INSC: variants seen among roughly 807,000 people sequenced by gnomAD.
The protein encoded by INSC is protein inscuteable homolog.
INSC carries 67 observed loss-of-function variants against 58.6 expected under a neutral mutation model. The ratio of observed to expected loss-of-function variants is 1.14; its 90% CI spans 0.94 to 1.40. INSC has a LOEUF of 1.40. Ranked by LOEUF, INSC falls within the 40% of genes most tolerant of loss-of-function variation. The pLI is 0.00. For synonymous variants in INSC, 262 were observed against 276.1 expected, an observed-to-expected ratio of 0.95 and a Z score of 0.51; for missense variants, 714 against 692.0, an observed-to-expected ratio of 1.03 and a Z score of -0.36.
intron 5 of INSC, among the ~76,000 whole-genome samples, chr11:15,179,940 T>G (rs1407051600): frequency 2.0e-5 from 3 of 152,204 alleles, no homozygotes; most frequent in African/African-American, 7.2e-5. Context: ...ACCACTTTCC[T>G]GAAAGTGCCA....
At chr11:15,250,706 A>C (rs1167396165), downstream of INSC, among the ~76,000 whole-genome samples, 2 of 152,200 alleles carry the variant, frequency 1.3e-5, no homozygotes, top group Admixed American at 1.3e-4. Context: ...TCTCAAATTT[A>C]GTGGCTTAAA....
At chr11:15,208,494 CCTGT>C (rs1412230815) in intron 7 of INSC, among the ~76,000 whole-genome samples, 1 of 152,210 alleles carries the variant, frequency 6.6e-6, no homozygotes, top group Non-Finnish European at 1.5e-5. Context: ...TACCAAGGCT[CCTGT>C]CTGTCTGTCT....
chr11:15,246,145 TACTTA>T lies in INSC; in HGVS notation c.*111_*115del, dbSNP rs1174616123. 5.8e-6 allele frequency: 7 copies of T among 1,215,174 alleles called. No individual in the cohort carries two copies. The highest frequency in any genetic ancestry group is 2.4e-5 in the Admixed American group (1 of 42,458). 75.3% of individuals were successfully genotyped at this position (1,215,174 alleles called of 1,614,324 possible). A position where few individuals can be genotyped will look rare whatever the true frequency, so the allele number is the denominator to read the frequency against. On this transcript the variant is annotated 3_prime_UTR_variant, in exon 13 of 13. Transcript: ENST00000379556. ...CCAGCTCTCCTCATCTTCTTATTTA[TACTTA>T]ACTTATTTTTGTGTGAAATAAATGG... is the stretch of plus-strand genomic sequence containing the variant.
the INSC span, among the ~76,000 whole-genome samples, chr11:15,258,892 T>G: frequency 4.6e-5 from 7 of 152,184 alleles, no homozygotes; most frequent in Non-Finnish European, 1.0e-4. Context: ...TATGATAGTC[T>G]CAGCAACACA....
At chr11:15,166,124 A>T (rs1482173676) in intron 2 of INSC, among the ~76,000 whole-genome samples, 5 of 152,130 alleles carry the variant, frequency 3.3e-5, no homozygotes, top group Non-Finnish European at 7.4e-5. Flanking sequence ...TAATGTTTTA[A>T]ACCTTGTTGA....
upstream of INSC, among the ~76,000 whole-genome samples, chr11:15,113,141 CTTTCTG>C (rs1166385487): frequency 3.0e-5 from 4 of 131,958 alleles, no homozygotes; most frequent in African/African-American, 1.1e-4. Context: ...TTCTTTCTTT[CTTTCTG>C]TCTCTCTCTC....
At chr11:15,123,433 A>G (rs930444858) in intron 1 of INSC, among the ~76,000 whole-genome samples, 1 of 152,226 alleles carries the variant, frequency 6.6e-6, no homozygotes, top group Non-Finnish European at 1.5e-5. Context: ...AAATGAATGA[A>G]TGAAGATTTA....
At chr11:15,189,250 C>T (rs1303640496) in intron 5 of INSC, among the ~76,000 whole-genome samples, 1 of 152,156 alleles carries the variant, frequency 6.6e-6, no homozygotes, top group African/African-American at 2.4e-5. Flanking sequence ...TAACTGCTTA[C>T]AATTTTATTT....
intron 9 of INSC, among the ~76,000 whole-genome samples, chr11:15,228,371 C>T (rs1234145772): frequency 1.3e-5 from 2 of 152,174 alleles, no homozygotes; most frequent in East Asian, 1.9e-4. Context: ...AATGTGGTTG[C>T]GCTGCCAGCA....
At chr11:15,187,586 G>T (rs1792573) in intron 5 of INSC, among the ~76,000 whole-genome samples, 109,828 of 152,126 alleles carry the variant, frequency 0.72, 40,647 homozygotes, top group East Asian at 0.99. Flanking sequence ...GCAGTTACTC[G>T]TTTTCAGATT....
At chr11:15,222,783 A>G (rs1851495105) in intron 8 of INSC, among the ~76,000 whole-genome samples, 1 of 152,226 alleles carries the variant, frequency 6.6e-6, no homozygotes, top group Non-Finnish European at 1.5e-5. Context: ...TGGCACTCAC[A>G]GGTCAGGCTG....
At chr11:15,164,415 G>A (rs940668165) in intron 2 of INSC, among the ~76,000 whole-genome samples, 3 of 152,076 alleles carry the variant, frequency 2.0e-5, no homozygotes, top group African/African-American at 7.2e-5. Context: ...ACATTGATCT[G>A]AACATCTCGT....
In INSC at chr11:15,239,906, C is replaced by T. The variant is rs187924968; in HGVS notation, c.1394-541C>T. ...GCAGTGTCACCAATCATCCAGGTACCCAGAGGGACAGCCTGGGGCAGCAGA... is the reference window on the plus strand; with the variant it reads ...GCAGTGTCACCAATCATCCAGGTACTCAGAGGGACAGCCTGGGGCAGCAGA... On this transcript the variant is annotated intron_variant, in intron 11 of 12. Transcript: ENST00000379556. Among the ~76,000 whole-genome samples, 404 of 152,186 alleles carry T rather than the reference C, an allele frequency of 2.7e-3. 2 individuals are homozygous for T. Among genetic ancestry groups the T allele is most frequent in the African/African-American group, 8.2e-3 (342 of 41,500 alleles).
chr11:15,112,600 GT>G, upstream of INSC: 1 of 563,858 alleles, frequency 1.8e-6, no homozygotes, highest in South Asian at 5.7e-5. Context: ...GAGTGTGTGT[GT>G]GTGTGTGTGT....
intron 2 of INSC, among the ~76,000 whole-genome samples, chr11:15,171,814 T>C (rs1400486101): frequency 6.6e-6 from 1 of 152,264 alleles, no homozygotes; most frequent in Non-Finnish European, 1.5e-5. Context: ...TTGCCATTGT[T>C]AACATGTCCC....
chr11:15,160,501 C>T (rs1288602805), intron 2 of INSC, among the ~76,000 whole-genome samples: 1 of 152,104 alleles, frequency 6.6e-6, no homozygotes, highest in African/African-American at 2.4e-5. Flanking sequence ...GTGATGGCTC[C>T]TAATCAGGTG....
At chr11:15,212,994 T>C (rs1265149339) in intron 7 of INSC, among the ~76,000 whole-genome samples, 4 of 152,202 alleles carry the variant, frequency 2.6e-5, no homozygotes, top group African/African-American at 9.7e-5. Context: ...ATGAGGCTCA[T>C]AGAAGGTGGA....
intron 12 of INSC, among the ~76,000 whole-genome samples, chr11:15,243,285 G>C (rs72857790): frequency 0.1 from 15,523 of 152,150 alleles, 1,014 homozygotes; most frequent in African/African-American, 0.18. Context: ...TCCCCAAGGC[G>C]TTTCCCAGCT....
the INSC span, among the ~76,000 whole-genome samples, chr11:15,259,040 C>T: frequency 6.6e-6 from 1 of 152,152 alleles, no homozygotes; most frequent in Non-Finnish European, 1.5e-5. Context: ...ATCTTGTCAG[C>T]TCCTGGTCCA....
Sources: gnomAD v4.1 joint callset for allele counts (sites outside exome capture counted in the v4.1 genomes callset) on GRCh38, gnomAD v4.1.1 for gene constraint, MANE v1.5 for transcripts, NCBI Gene and HGNC (gene_info 2026-07-23, HGNC 2026-07-21) for gene names.